Variants in NEDD4L observed in about 807,000 individuals in gnomAD.
NEDD4L encodes the protein E3 ubiquitin-protein ligase NEDD4-like.
A neutral mutation model predicts 148.9 loss-of-function variants in NEDD4L; 54 were observed. The ratio of observed to expected loss-of-function variants is 0.36; its 90% CI spans 0.29 to 0.45. NEDD4L has a LOEUF of 0.45. Ranked by LOEUF, NEDD4L falls within the 20% of genes least tolerant of loss-of-function variation. NEDD4L has a pLI of 1.00. For missense variants in NEDD4L, 856 were observed against 1,233.8 expected (o/e 0.69, Z 4.59); for synonymous variants, 433 against 440.7 (o/e 0.98, Z 0.22).
chr18:58,357,399 T>C, intron 19 of NEDD4L, 147 bp downstream of exon 19: 1 of 789,346 alleles, frequency 1.3e-6, no homozygotes, highest in East Asian at 2.5e-5. Flanking sequence ...GCCATCTCCT[T>C]ACTGAAGTTT....
chr18:58,296,687 T>C (rs909076708), intron 5 of NEDD4L, among the ~76,000 whole-genome samples: 4 of 152,308 alleles, frequency 2.6e-5, no homozygotes, highest in African/African-American at 9.6e-5. Context: ...TTTGGGAGGC[T>C]GAGGCAGGTG....
intron 1 of NEDD4L, among the ~76,000 whole-genome samples, chr18:58,144,452 G>T (rs535109030): frequency 6.6e-6 from 1 of 152,052 alleles, no homozygotes; most frequent in Non-Finnish European, 1.5e-5. Context: ...CCACCCCCAT[G>T]ACCCAAACAC....
At chr18:58,163,497 G>A (rs541686160) in intron 1 of NEDD4L, among the ~76,000 whole-genome samples, 12 of 152,342 alleles carry the variant, frequency 7.9e-5, no homozygotes, top group Admixed American at 1.3e-4. Flanking sequence ...ACTTTGGGAC[G>A]CCCTTTGCTA....
intron 19 of NEDD4L, among the ~76,000 whole-genome samples, chr18:58,363,306 C>T (rs990523675): frequency 3.9e-5 from 6 of 152,254 alleles, no homozygotes; most frequent in African/African-American, 1.4e-4. Context: ...GACTAAGGAT[C>T]AGTATATTTT....
At chr18:58,070,255 T>TTTTA (rs559040396) in intron 1 of NEDD4L, among the ~76,000 whole-genome samples, 3,941 of 151,816 alleles carry the variant, frequency 0.026, 182 homozygotes, top group African/African-American at 0.089. Context: ...TTTATTTTTA[T>TTTTA]TTTATTTATT....
intron 5 of NEDD4L, among the ~76,000 whole-genome samples, chr18:58,294,407 G>T (rs1406724148): frequency 6.6e-6 from 1 of 152,168 alleles, no homozygotes; most frequent in Non-Finnish European, 1.5e-5. Context: ...TCTAAATTCA[G>T]TATTTTATTC....
At chr18:58,082,085 T>TACACACAC (rs1415069836) in intron 1 of NEDD4L, among the ~76,000 whole-genome samples, 1,191 of 89,838 alleles carry the variant, frequency 0.013, 18 homozygotes, top group African/African-American at 0.071. Context: ...GATGAATATA[T>TACACACAC]ATATATATAT....
chr18:58,324,301 G>A (rs529233666), intron 8 of NEDD4L, among the ~76,000 whole-genome samples: 41 of 152,332 alleles, frequency 2.7e-4, no homozygotes, highest in Admixed American at 1.6e-3. Flanking sequence ...AAGGGAATAC[G>A]TAATGCCTAA....
chr18:58,054,767 C>T (rs1000735610), intron 1 of NEDD4L: 2 of 152,174 alleles, frequency 1.3e-5, no homozygotes, highest in Non-Finnish European at 2.9e-5. Flanking sequence ...TTGTTAACAC[C>T]AGAAGATAAA....
chr18:58,391,982 A>G lies in NEDD4L; in HGVS notation c.2825+423A>G, dbSNP rs1428834826. ...TTTCAAAGGCCTTCTATGCCCATGA[A>G]TAACCTGTAATTCCCTGGAATTGAG... On this transcript the variant is annotated intron_variant, in intron 30 of 30. Transcript: ENST00000400345. 2.0e-5 allele frequency among the ~76,000 whole-genome samples: 3 copies of G among 152,268 alleles called. No individual in the cohort carries two copies. In the East Asian group the frequency reaches 5.8e-4, roughly 29 times the overall value.
intron 18 of NEDD4L, among the ~76,000 whole-genome samples, chr18:58,354,287 AT>A (rs2145723563): frequency 6.6e-6 from 1 of 152,288 alleles, no homozygotes; most frequent in South Asian, 2.1e-4. Context: ...AATTCCAGTG[AT>A]TTTGTAAAGT....
At chr18:58,127,557 C>A (rs1022818354) in intron 1 of NEDD4L, among the ~76,000 whole-genome samples, 3 of 151,172 alleles carry the variant, frequency 2.0e-5, no homozygotes, top group Non-Finnish European at 2.9e-5. Context: ...AAAAAAAAAT[C>A]GGCCGGGTGC....
Position 58,367,781 on chromosome 18 carries a change from G to A in NEDD4L, c.2099G>A (p.Gly700Asp). ...NYTLQINPNSGLCNEDHLSYF... is the reference protein window; with the variant it reads ...NYTLQINPNSDLCNEDHLSYF... Reference sequence around the variant, plus strand: ...ACCCTTCAGATCAACCCTAATTCAGGCCTCTGTAATGAGGATCATTTGTCC... The same window carrying A: ...ACCCTTCAGATCAACCCTAATTCAGACCTCTGTAATGAGGATCATTTGTCC... Residue 700 changes from glycine (G) to aspartate (D), a missense_variant, in exon 22 of 31, where the codon GGC becomes GAC. By Grantham distance (94) the Gly-to-Asp change is moderately conservative (BLOSUM62 -1). Transcript: ENST00000400345. 2 of 1,613,856 alleles carry A rather than the reference G, an allele frequency of 1.2e-6. No individual in the cohort carries two copies. The highest frequency in any genetic ancestry group is 1.7e-6 in the Non-Finnish European group (2 of 1,179,778).
intron 21 of NEDD4L, chr18:58,367,179 T>A (rs1262144079): frequency 6.6e-6 from 1 of 152,438 alleles, no homozygotes; most frequent in Non-Finnish European, 1.5e-5. Context: ...CTGATCCACA[T>A]GATTGTGAAC....
intron 2 of NEDD4L, among the ~76,000 whole-genome samples, chr18:58,211,337 C>T (rs1286299197): frequency 6.6e-6 from 1 of 152,066 alleles, no homozygotes; most frequent in African/African-American, 2.4e-5. Flanking sequence ...AAACAATTGT[C>T]AAGGAAGCTG....
intron 5 of NEDD4L, among the ~76,000 whole-genome samples, chr18:58,304,393 A>T (rs1026336475): frequency 2.0e-5 from 3 of 151,942 alleles, no homozygotes; most frequent in African/African-American, 7.2e-5. Context: ...ACATGCCTGT[A>T]GTCTTAGCTA....
intron 5 of NEDD4L, among the ~76,000 whole-genome samples, chr18:58,299,574 C>T: frequency 6.6e-6 from 1 of 152,040 alleles, no homozygotes; most frequent in East Asian, 1.9e-4. Context: ...GTTTGAAATG[C>T]CCTAAGTTAT....
chr18:58,379,019 C>T (rs1236730752), intron 24 of NEDD4L, among the ~76,000 whole-genome samples: 5 of 152,224 alleles, frequency 3.3e-5, no homozygotes, highest in South Asian at 2.1e-4. Context: ...TCTTGCTGAG[C>T]GCCTGCTGTG....
At chr18:58,315,182 G>A (rs1279191663) in intron 5 of NEDD4L, among the ~76,000 whole-genome samples, 1 of 152,090 alleles carries the variant, frequency 6.6e-6, no homozygotes, top group East Asian at 1.9e-4. Context: ...TGCTTCTCGG[G>A]TCATCTAAAC....
Sources: gnomAD v4.1 joint callset for allele counts (sites outside exome capture counted in the v4.1 genomes callset) on GRCh38, gnomAD v4.1.1 for gene constraint, MANE v1.5 for transcripts, NCBI Gene and HGNC (gene_info 2026-07-23, HGNC 2026-07-21) for gene names.